The following NDUFB5 variants were observed in gnomAD, a reference collection of about 807,000 sequenced individuals.
NDUFB5 encodes NADH:ubiquinone oxidoreductase subunit B5, also known as NADH dehydrogenase [ubiquinone] 1 beta subcomplex subunit 5, mitochondrial.
In NDUFB5, 19 loss-of-function variants were observed where a neutral mutation model predicts 19.4. The observed-to-expected ratio is 0.98, with a 90% CI of 0.68 to 1.43. The LOEUF (loss-of-function observed/expected upper bound fraction) is 1.43. NDUFB5 is among the 40% of genes most tolerant of loss of function. The pLI, the probability that NDUFB5 is intolerant of heterozygous loss-of-function variation, is 0.00. For missense variants in NDUFB5, 233 were observed against 236.5 expected (o/e 0.99, Z 0.10); for synonymous variants, 80 against 82.6 (o/e 0.97, Z 0.17).
At chr3:179,615,102 C>A in intron 2 of NDUFB5, 43 bp downstream of exon 2, 1 of 1,344,226 alleles carries the variant, frequency 7.4e-7, no homozygotes, top group Non-Finnish European at 1.0e-6. Flanking sequence ...TTGCATGTAA[C>A]AGGGAAAAAA....
Position 179,624,707 on chromosome 3 carries a change from A to G in NDUFB5, c.*667A>G, listed in dbSNP as rs1719628141. ...CCTGCAGAGATTATAAAATGTGAGT[A>G]AAAGCTAAAAATGACTCATTTATTA... On this transcript the variant is annotated 3_prime_UTR_variant, in exon 6 of 6. Transcript: ENST00000259037. 6.6e-6 allele frequency: 1 copy of G among 152,056 alleles called. No individual in the cohort carries two copies. Among genetic ancestry groups the G allele is most frequent in the Non-Finnish European group, 1.5e-5 (1 of 68,014 alleles). 9.4% of individuals were successfully genotyped at this position (152,056 alleles called of 1,614,324 possible). A position where few individuals can be genotyped will look rare whatever the true frequency, so the allele number is the denominator to read the frequency against.
chr3:179,619,280 G>A (rs1268115145), intron 5 of NDUFB5, among the ~76,000 whole-genome samples: 1 of 146,484 alleles, frequency 6.8e-6, no homozygotes, highest in Non-Finnish European at 1.5e-5. Context: ...TACATGTGCC[G>A]TGTTGGTGTG....
At position 179,606,145 on chromosome 3, in the gene NDUFB5, A is replaced by G. The variant is rs189073120; in HGVS notation, c.124+1206A>G. On this transcript the variant is annotated intron_variant, in intron 1 of 5. Transcript: ENST00000259037. ...CTCCTTGGAGACAGTGAGTTGCATC[A>G]TGGCGGTGTGAATAATCATAGCAAA... is the stretch of plus-strand genomic sequence containing the variant. Among the ~76,000 whole-genome samples, 744 of 152,324 alleles carry G rather than the reference A, an allele frequency of 4.9e-3. 8 individuals carry two copies. Among genetic ancestry groups the G allele is most frequent in the Non-Finnish European group, 7.3e-3 (494 of 68,032 alleles).
chr3:179,610,604 C>A (rs1346328449), intron 1 of NDUFB5, among the ~76,000 whole-genome samples: 1 of 152,100 alleles, frequency 6.6e-6, no homozygotes, highest in Non-Finnish European at 1.5e-5. Flanking sequence ...TTGCCTGTGC[C>A]TTTGAAGTCC....
intron 1 of NDUFB5, chr3:179,607,722 C>T (rs751349490): frequency 3.4e-5 from 24 of 700,908 alleles, no homozygotes; most frequent in South Asian, 3.0e-5. Context: ...ACTCTGTATC[C>T]GTTAAACAAT....
intron 5 of NDUFB5, among the ~76,000 whole-genome samples, chr3:179,623,370 G>A (rs190126220): frequency 3.2e-4 from 48 of 152,270 alleles, no homozygotes; most frequent in Non-Finnish European, 6.8e-4. Context: ...GTAATGTTTT[G>A]GTGTTAAAAA....
At chr3:179,615,129 A>G in intron 2 of NDUFB5, 70 bp downstream of exon 2, 1 of 775,762 alleles carries the variant, frequency 1.3e-6, no homozygotes, top group Non-Finnish European at 2.1e-6. Context: ...CCTCTTTAGA[A>G]AACATCTTTC....
At chr3:179,613,715 C>G (rs527807160) in intron 1 of NDUFB5, among the ~76,000 whole-genome samples, 3 of 152,298 alleles carry the variant, frequency 2.0e-5, no homozygotes, top group South Asian at 2.1e-4. Flanking sequence ...TTCTAATTCT[C>G]TTGTGAATCA....
At position 179,624,877 on chromosome 3, in the gene NDUFB5, C is replaced by T. The variant is rs1394431789; in HGVS notation, c.*837C>T. 1.3e-5 allele frequency: 2 copies of T among 148,690 alleles called. No individual in the cohort carries two copies. The highest frequency in any genetic ancestry group is 5.0e-5 in the African/African-American group (2 of 39,858). The allele number at this position is 148,690 out of a possible 1,614,324, so 9.2% of individuals were successfully genotyped here. ...AGTGCCGTGATCTCGGCTGCAACCT[C>T]CGCCTCCCGGGTTCAAGCAATTCTT... On this transcript the variant is annotated 3_prime_UTR_variant, in exon 6 of 6. Coordinates refer to ENST00000259037, the MANE Select transcript of NDUFB5 (RefSeq NM_002492.4).
At chr3:179,618,809 C>G (rs530331222) in intron 5 of NDUFB5, among the ~76,000 whole-genome samples, 2 of 152,068 alleles carry the variant, frequency 1.3e-5, no homozygotes, top group East Asian at 3.9e-4. Flanking sequence ...CAAGACCATG[C>G]CACTGCACTG....
intron 1 of NDUFB5, among the ~76,000 whole-genome samples, chr3:179,609,601 T>C (rs1210000869): frequency 5.3e-5 from 8 of 152,206 alleles, no homozygotes; most frequent in Admixed American, 5.2e-4. Flanking sequence ...GCCCCTTCCT[T>C]GTTGCTTATG....
chr3:179,608,183 TTTTTG>T (rs897907633), intron 1 of NDUFB5, among the ~76,000 whole-genome samples: 5 of 151,898 alleles, frequency 3.3e-5, no homozygotes, highest in Admixed American at 6.6e-5. Flanking sequence ...GAGAGTTTTT[TTTTTG>T]TTTTGTTTTG....
rs763288688 is a variant in NDUFB5 at position 179,604,802 on chromosome 3, T to C, written c.-14T>C. 2 of 1,610,276 alleles carry C rather than the reference T, an allele frequency of 1.2e-6. No homozygotes were observed. Among genetic ancestry groups the C allele is most frequent in the African/African-American group, 2.7e-5 (2 of 74,620 alleles). On this transcript the variant is annotated 5_prime_UTR_variant, in exon 1 of 6. Transcript: ENST00000259037. ...CGTGACCCGCCTCCCTTCTTCCTCC[T>C]GCCCGTAGTAGCCATGGCGGCCATG...
intron 1 of NDUFB5, among the ~76,000 whole-genome samples, chr3:179,613,560 C>T (rs1719302227): frequency 6.6e-6 from 1 of 152,118 alleles, no homozygotes; most frequent in Admixed American, 6.6e-5. Flanking sequence ...GTCATCCAAC[C>T]CGTTTTCTTC....
intron 1 of NDUFB5, among the ~76,000 whole-genome samples, chr3:179,607,964 T>A (rs935090890): frequency 6.6e-6 from 1 of 152,216 alleles, no homozygotes; most frequent in African/African-American, 2.4e-5. Flanking sequence ...TTATCCATCA[T>A]CTGTCAATTG....
chr3:179,607,953 C>A, intron 1 of NDUFB5: 1 of 609,924 alleles, frequency 1.6e-6, no homozygotes. Context: ...CCCCATTTTG[C>A]TTATCCATCA....
intron 1 of NDUFB5, among the ~76,000 whole-genome samples, chr3:179,608,271 C>T (rs1719155870): frequency 2.0e-5 from 3 of 151,980 alleles, no homozygotes; most frequent in African/African-American, 4.8e-5. Context: ...CTCACACAGC[C>T]ATCTCTGCCT....
chr3:179,605,229 C>T (rs562487685), intron 1 of NDUFB5, among the ~76,000 whole-genome samples: 1 of 152,276 alleles, frequency 6.6e-6, no homozygotes, highest in East Asian at 1.9e-4. Flanking sequence ...ATCTGTATCT[C>T]TAGGGCACAA....
intron 1 of NDUFB5, among the ~76,000 whole-genome samples, chr3:179,611,798 T>A (rs1422846721): frequency 2.0e-5 from 3 of 152,158 alleles, no homozygotes; most frequent in East Asian, 1.9e-4. Context: ...ATAACTTTTC[T>A]GAGGCTACGT....
Sources: gnomAD v4.1 joint callset for allele counts (sites outside exome capture counted in the v4.1 genomes callset) on GRCh38, gnomAD v4.1.1 for gene constraint, MANE v1.5 for transcripts, NCBI Gene and HGNC (gene_info 2026-07-23, HGNC 2026-07-21) for gene names.